CDH4: variants seen among roughly 807,000 people sequenced by gnomAD.
The protein encoded by CDH4 is cadherin-4.
A neutral mutation model predicts 86.0 loss-of-function variants in CDH4; 33 were observed. That is an observed-to-expected ratio of 0.38 (90% CI 0.29 to 0.51). The LOEUF (loss-of-function observed/expected upper bound fraction) is 0.51. Ranked by LOEUF, CDH4 falls within the 20% of genes least tolerant of loss-of-function variation. The probability of loss-of-function intolerance (pLI) is 0.86; values close to 1 mark genes in which losing one functional copy is unlikely to be tolerated. For missense variants in CDH4, 1,114 were observed against 1,307.4 expected, an observed-to-expected ratio of 0.85 and a Z score of 2.28; for synonymous variants, 555 against 549.4, an observed-to-expected ratio of 1.01 and a Z score of -0.14.
chr20:61,923,335 A>T, intron 9 of CDH4, 116 bp from the exon 10 acceptor site: 1 of 1,011,774 alleles, frequency 9.9e-7, no homozygotes, highest in Non-Finnish European at 1.5e-6. Context: ...AGCAGAGCAG[A>T]GAAGAGCTGG....
At chr20:61,401,623 C>T (rs573075217) in intron 2 of CDH4, among the ~76,000 whole-genome samples, 1 of 152,324 alleles carries the variant, frequency 6.6e-6, no homozygotes, top group African/African-American at 2.4e-5. Context: ...ACAGTTTCTT[C>T]ATATGGTGGG....
intron 8 of CDH4, among the ~76,000 whole-genome samples, chr20:61,905,752 G>T (rs2122909293): frequency 6.6e-6 from 1 of 152,310 alleles, no homozygotes; most frequent in South Asian, 2.1e-4. Context: ...TCACTTACCT[G>T]GTTGTGGCTG....
chr20:61,653,468 G>A (rs1420812948), intron 2 of CDH4, among the ~76,000 whole-genome samples: 1 of 135,474 alleles, frequency 7.4e-6, no homozygotes, highest in African/African-American at 2.6e-5. Flanking sequence ...TCCCAGACGG[G>A]GTCGTGGCCG....
intron 2 of CDH4, chr20:61,570,810 C>T (rs760691832): frequency 4.4e-5 from 31 of 701,698 alleles, no homozygotes; most frequent in Admixed American, 2.0e-4. Context: ...TTCTCTGCCG[C>T]GCCAGGGGGT....
At chr20:61,742,027 G>A (rs1160531533) in intron 2 of CDH4, among the ~76,000 whole-genome samples, 1 of 152,118 alleles carries the variant, frequency 6.6e-6, no homozygotes, top group Non-Finnish European at 1.5e-5. Flanking sequence ...GTGACAATCA[G>A]ATGTCAGAAA....
intron 2 of CDH4, among the ~76,000 whole-genome samples, chr20:61,446,766 G>A (rs2085352596): frequency 6.6e-6 from 1 of 152,148 alleles, no homozygotes; most frequent in Non-Finnish European, 1.5e-5. Flanking sequence ...GTGTGTCTGA[G>A]CACCTGTCTC....
intron 2 of CDH4, among the ~76,000 whole-genome samples, chr20:61,356,802 G>C (rs1247624693): frequency 6.6e-6 from 1 of 152,214 alleles, no homozygotes. Flanking sequence ...ACATCAGCCA[G>C]TTTTGGATAC....
At chr20:61,262,082 G>A (rs1265444132) in intron 2 of CDH4, among the ~76,000 whole-genome samples, 2 of 152,190 alleles carry the variant, frequency 1.3e-5, no homozygotes, top group African/African-American at 4.8e-5. Flanking sequence ...CATCTGAGCT[G>A]GGTTTATGCA....
At chr20:61,472,625 CTGAT>C (rs2085511267) in intron 2 of CDH4, among the ~76,000 whole-genome samples, 1 of 152,298 alleles carries the variant, frequency 6.6e-6, no homozygotes, top group Admixed American at 6.5e-5. Context: ...CAACTTAACA[CTGAT>C]TGTACAAACA....
intron 4 of CDH4, among the ~76,000 whole-genome samples, chr20:61,814,697 C>T (rs937663027): frequency 2.6e-5 from 4 of 152,236 alleles, no homozygotes; most frequent in African/African-American, 7.2e-5. Flanking sequence ...CTGATCTCGT[C>T]ATGCTTCTCC....
rs541130824 is a variant in CDH4 at position 61,848,407 on chromosome 20, T to C, written c.732+3584T>C. Among the ~76,000 whole-genome samples, 339 of 152,378 alleles carry C rather than the reference T, an allele frequency of 2.2e-3. 1 individual carries two copies. Among genetic ancestry groups the C allele is most frequent in the Non-Finnish European group, 3.9e-3 (268 of 68,034 alleles). On this transcript the variant is annotated intron_variant, in intron 5 of 15. Coordinates refer to ENST00000614565, the MANE Select transcript of CDH4 (RefSeq NM_001794.5). Reference sequence around the variant, plus strand: ...TGTTTTTTGAGACAGGGTCTCGCTCTGTCACTCAGGCTGGAATGCAGTGGT... The same window carrying C: ...TGTTTTTTGAGACAGGGTCTCGCTCCGTCACTCAGGCTGGAATGCAGTGGT...
At chr20:61,851,228 G>T (rs552365259) in intron 5 of CDH4, among the ~76,000 whole-genome samples, 1 of 152,332 alleles carries the variant, frequency 6.6e-6, no homozygotes, top group African/African-American at 2.4e-5. Context: ...GTTCCTCCAG[G>T]AGTCAGTGCT....
intron 2 of CDH4, among the ~76,000 whole-genome samples, chr20:61,515,685 C>T (rs778331392): frequency 2.2e-4 from 34 of 152,190 alleles, no homozygotes; most frequent in Non-Finnish European, 3.7e-4. Context: ...TTCAGGGCTC[C>T]GGTGTAGTCT....
chr20:61,253,272 CGG>C (rs2123108176), intron 1 of CDH4, among the ~76,000 whole-genome samples: 1 of 150,544 alleles, frequency 6.6e-6, no homozygotes, highest in African/African-American at 2.4e-5. Context: ...GGGCGCGGCG[CGG>C]GAGGGCGCCC....
intron 5 of CDH4, among the ~76,000 whole-genome samples, chr20:61,850,169 C>T (rs765579843): frequency 4.6e-5 from 7 of 152,350 alleles, no homozygotes; most frequent in East Asian, 1.9e-4. Flanking sequence ...CACATTAGCT[C>T]ACCCAGCCAC....
intron 2 of CDH4, among the ~76,000 whole-genome samples, chr20:61,702,941 G>T (rs58436803): frequency 0.021 from 3,196 of 152,304 alleles, 106 homozygotes; most frequent in African/African-American, 0.074. Context: ...CTTGCCAGGC[G>T]TGTGCTCAGC....
chr20:61,839,546 T>A (rs542175686), intron 4 of CDH4, among the ~76,000 whole-genome samples: 25 of 50,764 alleles, frequency 4.9e-4, no homozygotes, highest in African/African-American at 8.7e-4. Context: ...ATGTGTATTG[T>A]GTGTGTTGTG....
intron 2 of CDH4, among the ~76,000 whole-genome samples, chr20:61,317,672 C>G (rs1325801167): frequency 1.3e-5 from 2 of 152,148 alleles, no homozygotes; most frequent in East Asian, 3.9e-4. Flanking sequence ...GCACCCCTCC[C>G]CTAGGTGCCA....
chr20:61,826,401 G>A (rs1600691281), intron 4 of CDH4, among the ~76,000 whole-genome samples: 1 of 152,214 alleles, frequency 6.6e-6, no homozygotes, highest in Non-Finnish European at 1.5e-5. Context: ...CACGTGGCTT[G>A]TCTCCTTACT....
Sources: allele counts gnomAD v4.1 joint callset (sites outside exome capture counted in the v4.1 genomes callset), GRCh38; gene constraint gnomAD v4.1.1; transcripts MANE v1.5; gene names NCBI Gene and HGNC (gene_info 2026-07-23, HGNC 2026-07-21).